The following HLA-DRB5 variants were observed in gnomAD, a reference collection of about 807,000 sequenced individuals.
HLA-DRB5 encodes the protein DR beta-5.
A neutral mutation model predicts 22.4 loss-of-function variants in HLA-DRB5; 11 were observed. The ratio of observed to expected loss-of-function variants is 0.49; its 90% CI spans 0.31 to 0.81. HLA-DRB5 has a LOEUF of 0.81. Among genes scored for constraint, HLA-DRB5 ranks in the 40% least tolerant of loss-of-function variants. The pLI is 0.05. For missense variants in HLA-DRB5, 106 were observed against 274.4 expected (o/e 0.39, Z 4.34); for synonymous variants, 57 against 106.0 (o/e 0.54, Z 2.84).
intron 1 of HLA-DRB5, among the ~76,000 whole-genome samples, chr6:32,525,552 T>G (rs201931809): frequency 8.2e-6 from 1 of 122,052 alleles, no homozygotes; most frequent in Admixed American, 8.7e-5. Context: ...TGTCTAATAA[T>G]GCAGTATACC....
chr6:32,529,165 GAT>G (rs1770011215), intron 1 of HLA-DRB5, among the ~76,000 whole-genome samples: 3 of 133,920 alleles, frequency 2.2e-5, no homozygotes, highest in Non-Finnish European at 3.3e-5. Context: ...CCCAGGACTT[GAT>G]CATTAACTTT....
At chr6:32,521,635 A>C (rs796251033) in intron 2 of HLA-DRB5, among the ~76,000 whole-genome samples, 90 of 69,758 alleles carry the variant, frequency 1.3e-3, no homozygotes, top group South Asian at 5.8e-3. Flanking sequence ...CTCCCCACAG[A>C]GGCCTCCAAG....
Position 32,530,194 on chromosome 6 carries a change from A to G in HLA-DRB5, c.31T>C (p.Tyr11His), listed in dbSNP as rs150791953. The change falls in exon 1 of 6, where the codon TAC (tyrosine) becomes CAC (histidine). Residue 11 changes from tyrosine (Y) to histidine (H), a missense_variant. Physicochemically the swap from Tyr to His is moderately conservative, Grantham distance 83. Coordinates refer to ENST00000374975, the MANE Select transcript of HLA-DRB5 (RefSeq NM_002125.4). MVCLKLPGGS[Y>H]MAKLTVTLMV... ...AGTGTCACTGTCAGCTTTGCCATGT[A>G]GGAACCTCCAGGGAGCTTCAGACAC... The G allele has an allele frequency of 1.5e-5, 22 of 1,443,104 alleles. 1 individual carries two copies. Among genetic ancestry groups the G allele is most frequent in the Admixed American group, 1.1e-4 (6 of 55,586 alleles). 89.4% of individuals were successfully genotyped at this position (1,443,104 alleles called of 1,614,324 possible). A position where few individuals can be genotyped will look rare whatever the true frequency, so the allele number is the denominator to read the frequency against.
chr6:32,526,517 CTTT>C (rs369892846), intron 1 of HLA-DRB5, among the ~76,000 whole-genome samples: 2 of 25,140 alleles, frequency 8.0e-5, no homozygotes, highest in Admixed American at 6.0e-4. Flanking sequence ...CCATGAGTCT[CTTT>C]TTTTTTTTTT....
chr6:32,524,696 C>CACTTTCTTTACAGT (rs1769384207), intron 1 of HLA-DRB5, among the ~76,000 whole-genome samples: 1 of 91,760 alleles, frequency 1.1e-5, no homozygotes, highest in Non-Finnish European at 2.2e-5. Flanking sequence ...ATTATGTAAG[C>CACTTTCTTTACAGT]ACTTTCTTTA....
intron 1 of HLA-DRB5, 88 bp downstream of exon 1, chr6:32,530,037 C>T (rs75375694): frequency 0.045 from 29,288 of 654,180 alleles, 932 homozygotes; most frequent in African/African-American, 0.1. Context: ...GTCACAATTT[C>T]TTAAGGCACC....
At chr6:32,524,288 G>T (rs1157058977) in intron 1 of HLA-DRB5, among the ~76,000 whole-genome samples, 1 of 61,130 alleles carries the variant, frequency 1.6e-5, no homozygotes, top group Non-Finnish European at 3.6e-5. Context: ...TTACCAACCA[G>T]TCACCAAATC....
At chr6:32,528,865 T>C (rs6899600) in intron 1 of HLA-DRB5, among the ~76,000 whole-genome samples, 791 of 17,008 alleles carry the variant, frequency 0.047, 97 homozygotes, top group Middle Eastern at 0.17. Flanking sequence ...ATAGCTTGAG[T>C]CTTGGAGGCA....
rs116668348 is a variant in HLA-DRB5 at position 32,528,032 on chromosome 6, T to A, written c.100+2093A>T. 8.2e-3 allele frequency among the ~76,000 whole-genome samples: 206 copies of A among 24,976 alleles called. 8 individuals are homozygous for A. The highest frequency in any genetic ancestry group is 0.013 in the Admixed American group (24 of 1,790). The allele number at this position is 24,976 out of a possible 152,430, so 16.4% of individuals were successfully genotyped here. A position where few individuals can be genotyped will look rare whatever the true frequency, so the allele number is the denominator to read the frequency against. On this transcript the variant is annotated intron_variant, in intron 1 of 5. Transcript: ENST00000374975. ...GCATTTCCTTGCTTGCTCACTTCAG[T>A]CCCTCTAGCCTTCTTTCTGTCCCTG...
intron 1 of HLA-DRB5, among the ~76,000 whole-genome samples, chr6:32,523,783 GAA>G (rs1769251350): frequency 1.2e-5 from 1 of 80,984 alleles, no homozygotes; most frequent in Non-Finnish European, 2.6e-5. Flanking sequence ...ATAAAGAACT[GAA>G]TTGGGTGCTG....
chr6:32,524,220 G>A (rs1442355303), intron 1 of HLA-DRB5, among the ~76,000 whole-genome samples: 2 of 140,824 alleles, frequency 1.4e-5, no homozygotes, highest in Non-Finnish European at 3.1e-5. Flanking sequence ...TCCCAATACA[G>A]TGCTATCTTT....
intron 2 of HLA-DRB5, among the ~76,000 whole-genome samples, chr6:32,521,340 A>G (rs35507994): frequency 0.82 from 93,482 of 114,304 alleles, 40,668 homozygotes; most frequent in Middle Eastern, 0.92. Context: ...AAGCTTCAGA[A>G]GTGCCTCAGA....
Position 32,530,141 on chromosome 6 carries a change from C to A in HLA-DRB5, c.84G>T (p.Leu28Phe), listed in dbSNP as rs72508462. ...TLMVLSSPLA[L>F]AGDTRPRFLQ... ...TGCACTTACGTCGGGTGTCCCCAGC[C>A]AAAGCCAGTGGGGAGCTCAGCACCA... Residue 28 changes from leucine to phenylalanine, a missense_variant, in exon 1 of 6, where the codon TTG becomes TTT. Physicochemically the swap from Leu to Phe is conservative, Grantham distance 22. Coordinates refer to ENST00000374975, the MANE Select transcript of HLA-DRB5 (RefSeq NM_002125.4). The A allele has an allele frequency of 4.1e-6, 6 of 1,450,492 alleles. No homozygotes were observed. The East Asian group carries it at 1.5e-4, about 37-fold the overall frequency. The allele number at this position is 1,450,492 out of a possible 1,614,324, so 89.9% of individuals were successfully genotyped here.
intron 1 of HLA-DRB5, among the ~76,000 whole-genome samples, chr6:32,525,212 T>A (rs1331877261): frequency 0.02 from 544 of 27,522 alleles, 1 homozygote; most frequent in Middle Eastern, 0.053. Flanking sequence ...AAATATGAAT[T>A]GAAATATGAC....
rs1269211776 is a variant in HLA-DRB5, at chr6:32,528,771, C to G, written c.100+1354G>C. 1.0e-4 allele frequency among the ~76,000 whole-genome samples: 4 copies of G among 39,092 alleles called. 2 individuals are homozygous for G. Among genetic ancestry groups the G allele is most frequent in the Non-Finnish European group, 2.1e-4 (4 of 19,010 alleles). The allele number at this position is 39,092 out of a possible 152,430, so 25.6% of individuals were successfully genotyped here. On this transcript the variant is annotated intron_variant, in intron 1 of 5. Coordinates refer to ENST00000374975, the MANE Select transcript of HLA-DRB5 (RefSeq NM_002125.4). ...TTTGAGTCCAGGAGTTTAAGACCAC[C>G]CTGGGCAACATGGCAGAAATCTCAT...
At chr6:32,521,336 C>CGG (rs1768839613) in intron 2 of HLA-DRB5, among the ~76,000 whole-genome samples, 8 of 128,640 alleles carry the variant, frequency 6.2e-5, no homozygotes, top group African/African-American at 2.0e-4. Flanking sequence ...AAAGAAGCTT[C>CGG]AGAAGTGCCT....
intron 1 of HLA-DRB5, among the ~76,000 whole-genome samples, chr6:32,523,048 CA>C (rs796470045): frequency 0.3 from 32,258 of 108,292 alleles, 1,269 homozygotes; most frequent in Middle Eastern, 0.39. Context: ...GGAGACATCA[CA>C]AGAAGCCAGG....
chr6:32,527,150 A>T (rs202113035), intron 1 of HLA-DRB5, among the ~76,000 whole-genome samples: 732 of 52,032 alleles, frequency 0.014, 21 homozygotes, highest in Middle Eastern at 0.036. Context: ...TAGTCTTCCT[A>T]ACCACTTGTC....
chr6:32,528,337 G>GCC (rs1562452244), intron 1 of HLA-DRB5, among the ~76,000 whole-genome samples: 1 of 10,396 alleles, frequency 9.6e-5, no homozygotes, highest in Admixed American at 1.3e-3. Context: ...GTGTAACCTT[G>GCC]AGAGTCGGGA....
Sources: allele counts gnomAD v4.1 joint callset (sites outside exome capture counted in the v4.1 genomes callset), GRCh38; gene constraint gnomAD v4.1.1; transcripts MANE v1.5; gene names NCBI Gene and HGNC (gene_info 2026-07-23, HGNC 2026-07-21).